TTN: variants seen among roughly 807,000 people sequenced by gnomAD.
The protein encoded by TTN is titin, also known as connectin.
A neutral mutation model predicts 3,223.0 loss-of-function variants in TTN; 1,525 were observed. The ratio of observed to expected loss-of-function variants is 0.47; its 90% confidence interval spans 0.45 to 0.49. The LOEUF is 0.49. TTN is among the 20% of genes least tolerant of loss of function. The pLI, the probability that TTN is intolerant of heterozygous loss-of-function variation, is 0.00. For missense variants in TTN, 40,786 were observed against 43,424.0 expected (o/e 0.94, Z 5.40); for synonymous variants, 14,094 against 15,161.0 (o/e 0.93, Z 5.17).
rs533218881 is a variant in TTN at position 178,724,324 on chromosome 2, T to C, written c.21051A>G (p.Thr7017=). 6 of 1,613,572 alleles carry C rather than the reference T, an allele frequency of 3.7e-6. No individual in the cohort carries two copies. In the South Asian group the frequency reaches 5.5e-5, roughly 15 times the overall value. Residue 7017 remains threonine (T), a synonymous_variant, in exon 72 of 363, where the codon ACA becomes ACG. Coordinates refer to ENST00000589042, the MANE Select transcript of TTN (RefSeq NM_001267550.2). ...ILSVERQDAG[T]YTFQVQNNVG... is the part of the protein sequence containing the mutation. ...CATTATTTTGAACCTGGAAAGTGTA[T>C]GTGCCTGCATCTTGCCTTTCAACTG...
At chr2:178,581,231 A>G (rs1169469770) in intron 316 of TTN, among the ~76,000 whole-genome samples, 3 of 152,058 alleles carry the variant, frequency 2.0e-5, no homozygotes, top group African/African-American at 7.2e-5. Context: ...AAATTCTTAC[A>G]TTCCAATAAA....
rs751263805 is a variant in TTN, at chr2:178,570,664, A to G, written c.75468T>C (p.Ala25156=). 5 of 1,613,368 alleles carry G rather than the reference A, an allele frequency of 3.1e-6. No individual in the cohort carries two copies. Among genetic ancestry groups the G allele is most frequent in the Middle Eastern group, 1.7e-4 (1 of 6,050 alleles). Reference sequence around the variant, plus strand: ...AGTCGGTGCTCTTTATTTCTAATCGAGCTGTGTTTGAAAGCTCCTGATCAC... The same window carrying G: ...AGTCGGTGCTCTTTATTTCTAATCGGGCTGTGTTTGAAAGCTCCTGATCAC... ...IKGDQELSNT[A]RLEIKSTDFA... is the part of the protein sequence containing the mutation. The change falls in exon 326 of 363, where the codon GCT becomes GCC. Residue 25156 remains alanine, a synonymous_variant. Transcript: ENST00000589042.
chr2:178,612,292 C>T lies in TTN; in HGVS notation c.50233G>A (p.Ala16745Thr), dbSNP rs2056479723. 3 of 1,612,106 alleles carry T rather than the reference C, an allele frequency of 1.9e-6. No individual in the cohort carries two copies. Among genetic ancestry groups the T allele is most frequent in the African/African-American group, 1.3e-5 (1 of 74,802 alleles). Residue 16745 changes from alanine to threonine, a missense_variant, in exon 266 of 363, where the codon GCC (alanine) becomes ACC (threonine). By Grantham distance (58) the Ala-to-Thr change is moderately conservative (BLOSUM62 0). Transcript: ENST00000589042. Reference sequence around the variant, plus strand: ...AAGAGCATACTAAAGGTGTCTTTGGCCAGCACAGAGTCCTCAATTTCGGTG... The same window carrying T: ...AAGAGCATACTAAAGGTGTCTTTGGTCAGCACAGAGTCCTCAATTTCGGTG... ...DYTEIEDSVL[A>T]KDTFTTPGPP... is the part of the protein sequence containing the mutation.
chr2:178,737,855 G>T (rs915924072), intron 49 of TTN: 4 of 467,608 alleles, frequency 8.6e-6, no homozygotes, highest in African/African-American at 5.9e-5. Context: ...ACTTAACTTT[G>T]TTCTCAAATA....
rs869312097 is a variant in TTN, at chr2:178,747,094, AG to A, written c.11312-5174del. 1.0e-5 allele frequency: 16 copies of A among 1,597,854 alleles called. No homozygotes were observed. Among genetic ancestry groups the A allele is most frequent in the Non-Finnish European group, 1.4e-5 (16 of 1,174,566 alleles). ...CTGGGGGTGTGGAATATCGCTCTAG[AG>A]TCTCTCCTGGGGGTGTGGAGTATCT... On this transcript the variant is annotated intron_variant, in intron 47 of 362. Transcript: ENST00000589042.
chr2:178,714,286 A>G lies in TTN; in HGVS notation c.26482+6T>C. On this transcript the variant is annotated splice_donor_region_variant and intron_variant, in intron 91 of 362. Transcript: ENST00000589042. The stretch of plus-strand genomic sequence containing the variant: ...GTATCTGTGATAACATCATCTTTTT[A>G]CTAACCGAGAACGGATAGCGTGGCG... The G allele has an allele frequency of 6.2e-7, 1 of 1,608,290 alleles. No individual in the cohort carries two copies. Among genetic ancestry groups the G allele is most frequent in the Non-Finnish European group, 8.5e-7 (1 of 1,176,008 alleles).
Position 178,720,574 on chromosome 2 carries a change from G to C in TTN, c.23188C>G (p.Pro7730Ala), listed in dbSNP as rs774547593. The C allele has an allele frequency of 6.2e-6, 10 of 1,613,188 alleles. No homozygotes were observed. In the Admixed American group the frequency reaches 8.3e-5, roughly 13 times the overall value. Residue 7730 changes from proline to alanine, a missense_variant, in exon 80 of 363, where the codon CCA (proline) becomes GCA (alanine). Transcript: ENST00000589042. The part of the protein sequence containing the change: ...ILQCEISGTP[P>A]FEVVWVKDRK... Reference sequence around the variant, plus strand: ...TCTTTAACCCATACTACTTCAAATGGGGGAGTTCCCGAAATTTCACATTGG... The same window carrying C: ...TCTTTAACCCATACTACTTCAAATGCGGGAGTTCCCGAAATTTCACATTGG...
rs1393492607 is a variant in TTN at position 178,773,382 on chromosome 2, T to C, written c.7595-13A>G. ...ATAATTTTAATTTCTGGGGAAAAAATAAAATAATCTCTTGGTTATTGTTAC... is the reference window on the plus strand; with the variant it reads ...ATAATTTTAATTTCTGGGGAAAAAACAAAATAATCTCTTGGTTATTGTTAC... On this transcript the variant is annotated splice_polypyrimidine_tract_variant and intron_variant, in intron 32 of 362. Coordinates refer to ENST00000589042, the MANE Select transcript of TTN (RefSeq NM_001267550.2). 2 of 1,613,808 alleles carry C rather than the reference T, an allele frequency of 1.2e-6. No individual in the cohort carries two copies. The highest frequency in any genetic ancestry group is 8.5e-7 in the Non-Finnish European group (1 of 1,179,900).
chr2:178,630,004 G>C (rs1043416621), intron 239 of TTN, among the ~76,000 whole-genome samples: 1 of 152,014 alleles, frequency 6.6e-6, no homozygotes, highest in African/African-American at 2.4e-5. Flanking sequence ...CTACAGAGCA[G>C]GAAAATCTGA....
chr2:178,759,636 AG>A (rs1165334137), intron 43 of TTN, among the ~76,000 whole-genome samples: 1 of 152,240 alleles, frequency 6.6e-6, no homozygotes, highest in African/African-American at 2.4e-5. Context: ...AGAGCTGAGA[AG>A]ATCAAGATAT....
intron 99 of TTN, among the ~76,000 whole-genome samples, chr2:178,708,791 T>A (rs1320745204): frequency 6.6e-6 from 1 of 152,224 alleles, no homozygotes; most frequent in Admixed American, 6.5e-5. Context: ...AATAATAACT[T>A]ACTACCTGTG....
rs727505348 is a variant in TTN at position 178,711,295 on chromosome 2, A to T, written c.27941T>A (p.Val9314Asp). The T allele has an allele frequency of 4.3e-6, 7 of 1,613,368 alleles. No individual in the cohort carries two copies. In the South Asian group the frequency reaches 6.6e-5, roughly 15 times the overall value. The change falls in exon 97 of 363, where the codon GTT (valine) becomes GAT (aspartate). Residue 9314 changes from valine to aspartate, a missense_variant. Coordinates refer to ENST00000589042, the MANE Select transcript of TTN (RefSeq NM_001267550.2). ...SRQLRDVQETVGLPVVFDCAI... is the reference protein window; with the variant it reads ...SRQLRDVQETDGLPVVFDCAI... Reference sequence around the variant, plus strand: ...ACAATCAAAAACAACTGGCAGTCCAACTGTTTCTTGAACATCTCTCAATTG... The same window carrying T: ...ACAATCAAAAACAACTGGCAGTCCATCTGTTTCTTGAACATCTCTCAATTG...
Position 178,729,100 on chromosome 2 carries a change from C to G in TTN, c.18938G>C (p.Ser6313Thr), listed in dbSNP as rs200120672. The G allele has an allele frequency of 3.6e-4, 578 of 1,611,272 alleles. 4 individuals are homozygous for G. Among genetic ancestry groups the G allele is most frequent in the Non-Finnish European group, 3.3e-5 (39 of 1,178,750 alleles). ...AATAGGAGGAGAACCTGCCACGGTA[C>G]TCTGAAAGGTGGCAGAACTTTTCAA... ...TVLKSSATFQ[S>T]TVAGSPPISI... The change falls in exon 65 of 363, where the codon AGT (serine) becomes ACT (threonine). Residue 6313 changes from serine (S) to threonine (T), a missense_variant. Physicochemically the swap from Ser to Thr is moderately conservative, Grantham distance 58 (BLOSUM62 1). Transcript: ENST00000589042.
chr2:178,545,862 C>T lies in TTN; in HGVS notation c.95374G>A (p.Val31792Met), dbSNP rs994348588. Reference protein sequence around the residue: ...VRAVNKYGPGVPVESEPIVAR... With the variant: ...VRAVNKYGPGMPVESEPIVAR... ...ACAATTGGCTCTGATTCAACAGGCACACCAGGGCCATATTTGTTTACTGCC... is the reference window on the plus strand; with the variant it reads ...ACAATTGGCTCTGATTCAACAGGCATACCAGGGCCATATTTGTTTACTGCC... The change falls in exon 343 of 363, where the codon GTG becomes ATG. Residue 31792 changes from valine to methionine, a missense_variant. By Grantham distance (21) the Val-to-Met change is conservative. Coordinates refer to ENST00000589042, the MANE Select transcript of TTN (RefSeq NM_001267550.2). 9 of 1,613,732 alleles carry T rather than the reference C, an allele frequency of 5.6e-6. No homozygotes were observed. The highest frequency in any genetic ancestry group is 5.3e-5 in the African/African-American group (4 of 74,918).
chr2:178,557,730 G>A lies in TTN; in HGVS notation c.87624C>T (p.Tyr29208=), dbSNP rs772121356. The A allele has an allele frequency of 5.6e-6, 9 of 1,613,806 alleles. No homozygotes were observed. Among genetic ancestry groups the A allele is most frequent in the Middle Eastern group, 3.3e-4 (2 of 6,078 alleles). ...GGTTTTCTGCCTTGATGCGGAATTGGTATTCTTCTCCTGTGGTCAGTTTCA... is the reference window on the plus strand; with the variant it reads ...GGTTTTCTGCCTTGATGCGGAATTGATATTCTTCTCCTGTGGTCAGTTTCA... The part of the protein sequence containing the change: ...KVMKLTTGEE[Y]QFRIKAENRF... Residue 29208 remains tyrosine (Y), a synonymous_variant, in exon 328 of 363, where the codon TAC becomes TAT. Coordinates refer to ENST00000589042, the MANE Select transcript of TTN (RefSeq NM_001267550.2).
rs759702754 is a variant in TTN at position 178,533,335 on chromosome 2, A to G, written c.103280T>C (p.Leu34427Ser). The G allele has an allele frequency of 3.1e-6, 5 of 1,613,790 alleles. No individual in the cohort carries two copies. In the South Asian group the frequency reaches 5.5e-5, roughly 18 times the overall value. ...DYYALHIRDT[L>S]PEDTGYYRVT... is the part of the protein sequence containing the mutation. ...TCTATAATAACCCGTGTCTTCAGGC[A>G]AAGTGTCCCTGATGTGCAGAGCATA... The change falls in exon 358 of 363, where the codon TTG (leucine) becomes TCG (serine). Residue 34427 changes from leucine to serine, a missense_variant. By Grantham distance (145) the Leu-to-Ser change is moderately radical. Coordinates refer to ENST00000589042, the MANE Select transcript of TTN (RefSeq NM_001267550.2).
In TTN at chr2:178,800,561, C is replaced by A. The variant is rs1311260432; in HGVS notation, c.417G>T (p.Arg139=). The A allele has an allele frequency of 6.2e-7, 1 of 1,614,112 alleles. No individual in the cohort carries two copies. The highest frequency in any genetic ancestry group is 8.5e-7 in the Non-Finnish European group (1 of 1,180,002). The change falls in exon 4 of 363, where the codon CGG becomes CGT. Residue 139 remains arginine (R), a synonymous_variant. Coordinates refer to ENST00000589042, the MANE Select transcript of TTN (RefSeq NM_001267550.2). ...GIPTPVVKFY[R]DGAEIQSSLD... The stretch of plus-strand genomic sequence containing the variant: ...GGGAGCTCTGGATTTCGGCTCCATC[C>A]CGGTAGAACTTCACCACAGGTGTAG...
chr2:178,728,753 A>C lies in TTN; in HGVS notation c.19173T>G (p.Ala6391=), dbSNP rs1259684968. 4 of 1,602,956 alleles carry C rather than the reference A, an allele frequency of 2.5e-6. No individual in the cohort carries two copies. The African/African-American group carries it at 5.4e-5, about 21-fold the overall frequency. The change falls in exon 66 of 363, where the codon GCT becomes GCG. Residue 6391 remains alanine, a synonymous_variant. Coordinates refer to ENST00000589042, the MANE Select transcript of TTN (RefSeq NM_001267550.2). ...CTTTCTCCGTAACATCAACTGATTT[A>C]GCTTTCTCTACGATTTGAGCTGGTT... ...VQEPAQIVEK[A]KSVDVTEKDP...
rs1553887887 is a variant in TTN at position 178,710,664 on chromosome 2, T to G, written c.28433A>C (p.Asp9478Ala). Residue 9478 changes from aspartate to alanine, a missense_variant, in exon 98 of 363, where the codon GAC becomes GCC. Physicochemically the swap from Asp to Ala is moderately radical, Grantham distance 126. Coordinates refer to ENST00000589042, the MANE Select transcript of TTN (RefSeq NM_001267550.2). ...TCYAVNEVGK[D>A]SCTAQLNIKE... ...TATATTCAGCTGAGCTGTGCAAGAG[T>G]CTTTTCCCACTTCATTCACAGCATA... 1.9e-6 allele frequency: 3 copies of G among 1,612,394 alleles called. No individual in the cohort carries two copies. The highest frequency in any genetic ancestry group is 2.5e-6 in the Non-Finnish European group (3 of 1,179,482).
Sources: allele counts gnomAD v4.1 joint callset (sites outside exome capture counted in the v4.1 genomes callset), GRCh38; gene constraint gnomAD v4.1.1; transcripts MANE v1.5; gene names NCBI Gene and HGNC (gene_info 2026-07-23, HGNC 2026-07-21).